MRE11: variants seen among roughly 807,000 people sequenced by gnomAD.
MRE11 encodes the protein MRE11 double strand break repair nuclease.
In MRE11, 62 loss-of-function variants were observed where a neutral mutation model predicts 91.7. The ratio of observed to expected loss-of-function variants is 0.68; its 90% CI spans 0.55 to 0.84. The LOEUF (loss-of-function observed/expected upper bound fraction) is 0.84. Ranked by LOEUF, MRE11 falls within the 40% of genes least tolerant of loss-of-function variation. MRE11 has a pLI of 0.00. For synonymous variants in MRE11, 273 were observed against 271.4 expected (o/e 1.01, Z -0.06); for missense variants, 796 against 852.9 (o/e 0.93, Z 0.83).
In MRE11 at chr11:94,471,735, G is replaced by A; in HGVS notation, c.684C>T (p.Phe228=). 1 of 1,612,026 alleles carries A rather than the reference G, an allele frequency of 6.2e-7. No individual in the cohort carries two copies. The highest frequency in any genetic ancestry group is 8.5e-7 in the Non-Finnish European group (1 of 1,178,734). ...QNRSKHGSTN[F]IPEQFLDDFI... ...AGTCATCCAAAAATTGTTCTGGAAT[G>A]AAGTTAGTACTTCCATGTTTACTCC... The change falls in exon 8 of 20, where the codon TTC becomes TTT. Residue 228 remains phenylalanine, a synonymous_variant. Transcript: ENST00000323929.
At position 94,445,889 on chromosome 11, in the gene MRE11, G is replaced by A. The variant is rs1555004842; in HGVS notation, c.1788C>T (p.Asp596=). 6.2e-7 allele frequency: 1 copy of A among 1,612,710 alleles called. No individual in the cohort carries two copies. Among genetic ancestry groups the A allele is most frequent in the Non-Finnish European group, 8.5e-7 (1 of 1,178,724 alleles). Residue 596 remains aspartate (D), a synonymous_variant, in exon 16 of 20, where the codon GAC becomes GAT. Coordinates refer to ENST00000323929, the MANE Select transcript of MRE11 (RefSeq NM_005591.4). ...TACGGGTAGAAGTCTCCAGACCAGTGTCTGCTGTTAGAAAAATGAACAGTC... is the reference window on the plus strand; with the variant it reads ...TACGGGTAGAAGTCTCCAGACCAGTATCTGCTGTTAGAAAAATGAACAGTC... ...SRGGSQRGRA[D]TGLETSTRSR...
At chr11:94,447,007 C>A (rs1034088951) in intron 15 of MRE11, among the ~76,000 whole-genome samples, 4 of 152,152 alleles carry the variant, frequency 2.6e-5, no homozygotes, top group Admixed American at 2.6e-4. Flanking sequence ...ACAATTAAAA[C>A]CCTAAGTGCA....
intron 19 of MRE11, among the ~76,000 whole-genome samples, chr11:94,423,478 C>T (rs1243578043): frequency 6.6e-6 from 1 of 152,226 alleles, no homozygotes; most frequent in Non-Finnish European, 1.5e-5. Flanking sequence ...AGGCGCCCAT[C>T]CCCTAAGACT....
the MRE11 span, among the ~76,000 whole-genome samples, chr11:94,510,831 A>T: frequency 6.6e-6 from 1 of 152,220 alleles, no homozygotes; most frequent in African/African-American, 2.4e-5. Flanking sequence ...CAAACATGTT[A>T]GGTAAAAGTT....
At chr11:94,449,844 AATAGAAAAGAT>A (rs1946050395) in intron 14 of MRE11, among the ~76,000 whole-genome samples, 1 of 152,232 alleles carries the variant, frequency 6.6e-6, no homozygotes, top group African/African-American at 2.4e-5. Flanking sequence ...AGCATATCTT[AATAGAAAAGAT>A]ATAGTAAAAA....
chr11:94,478,604 A>AT (rs1946933765), intron 6 of MRE11, 131 bp downstream of exon 6: 4 of 1,077,948 alleles, frequency 3.7e-6, no homozygotes, highest in Non-Finnish European at 3.9e-6. Flanking sequence ...ACCATCCATC[A>AT]TTTTTTATAG....
rs781042746 is a variant in MRE11 at position 94,464,093 on chromosome 11, C to T, written c.1225+20G>A. The T allele has an allele frequency of 5.0e-6, 8 of 1,608,284 alleles. No individual in the cohort carries two copies. The South Asian group carries it at 6.6e-5, about 13-fold the overall frequency. The stretch of plus-strand genomic sequence containing the variant: ...ATCCTATAAGAACATTTTTTTACCT[C>T]ATAAAAATAACTAGCTTACCTGTTT... On this transcript the variant is annotated intron_variant, in intron 11 of 19. Coordinates refer to ENST00000323929, the MANE Select transcript of MRE11 (RefSeq NM_005591.4).
At chr11:94,460,875 T>A in intron 12 of MRE11, 61 bp downstream of exon 12, 2 of 1,354,990 alleles carry the variant, frequency 1.5e-6, no homozygotes, top group Non-Finnish European at 2.1e-6. Context: ...AAACATATCC[T>A]AAATTAAAAT....
At chr11:94,447,518 GAACTAATCATACTATAAAAACATAAAGGA>G in intron 14 of MRE11, 80 bp from the exon 15 acceptor site, 1 of 1,346,872 alleles carries the variant, frequency 7.4e-7, no homozygotes, top group Non-Finnish European at 1.1e-6. Context: ...GCATTGACAT[GAACTAATCATACTATAAAAACATAAAGGA>G]GGCTGACACA....
At chr11:94,476,517 G>T in intron 6 of MRE11, 114 bp from the exon 7 acceptor site, 1 of 704,832 alleles carries the variant, frequency 1.4e-6, no homozygotes, top group Non-Finnish European at 2.4e-6. Flanking sequence ...ACTGTTGGGA[G>T]ATATATTTGA....
chr11:94,461,537 A>G, intron 11 of MRE11, among the ~76,000 whole-genome samples: 1 of 152,208 alleles, frequency 6.6e-6, no homozygotes, highest in East Asian at 1.9e-4. Context: ...AAAAACTGGA[A>G]GCATTCCCTT....
chr11:94,494,587 G>C (rs1947382531), upstream of MRE11, among the ~76,000 whole-genome samples: 1 of 152,046 alleles, frequency 6.6e-6, no homozygotes. Context: ...TTTAAGTTAG[G>C]AAACATACCC....
At chr11:94,481,750 T>C (rs933188792) in intron 4 of MRE11, among the ~76,000 whole-genome samples, 1 of 152,236 alleles carries the variant, frequency 6.6e-6, no homozygotes, top group East Asian at 1.9e-4. Context: ...TTCACTTACC[T>C]ATCTACTAAT....
intron 13 of MRE11, among the ~76,000 whole-genome samples, chr11:94,457,519 T>C (rs577865910): frequency 6.6e-6 from 1 of 151,514 alleles, no homozygotes; most frequent in South Asian, 2.1e-4. Flanking sequence ...AGAATAACAA[T>C]ATTTTAAAAG....
chr11:94,509,860 G>C, the MRE11 span, among the ~76,000 whole-genome samples: 1 of 152,178 alleles, frequency 6.6e-6, no homozygotes, highest in Non-Finnish European at 1.5e-5. Flanking sequence ...TTCCTGCAAT[G>C]ATCAAAACTT....
chr11:94,492,848 ACC>A lies in MRE11; in HGVS notation c.-49_-48del. On this transcript the variant is annotated 5_prime_UTR_variant, in exon 2 of 20. Transcript: ENST00000323929. Reference sequence around the variant, plus strand: ...TCTGGGACCAGGTTCTTCTCCAAGAACCCCTGGGTACTGTACTCAAATGTCAG... The same window carrying A: ...TCTGGGACCAGGTTCTTCTCCAAGAACCTGGGTACTGTACTCAAATGTCAG... 6 of 1,564,058 alleles carry A rather than the reference ACC, an allele frequency of 3.8e-6. No homozygotes were observed. The highest frequency in any genetic ancestry group is 1.4e-5 in the African/African-American group (1 of 73,652).
chr11:94,458,673 G>A (rs1946328520), intron 13 of MRE11, among the ~76,000 whole-genome samples: 1 of 151,962 alleles, frequency 6.6e-6, no homozygotes, highest in Admixed American at 6.6e-5. Flanking sequence ...CTATTCAAAC[G>A]TAATACTACT....
At chr11:94,478,975 T>C (rs547924756) in intron 5 of MRE11, 99 bp from the exon 6 acceptor site, 76 of 1,304,068 alleles carry the variant, frequency 5.8e-5, no homozygotes, top group Non-Finnish European at 7.6e-5. Flanking sequence ...ATATTCTACT[T>C]ACAAAAACAT....
At chr11:94,465,706 C>T (rs939353282) in intron 10 of MRE11, among the ~76,000 whole-genome samples, 3 of 152,090 alleles carry the variant, frequency 2.0e-5, no homozygotes, top group Non-Finnish European at 2.9e-5. Context: ...TTACCCAGAT[C>T]ATCTCTACAG....
Sources: allele counts gnomAD v4.1 joint callset (sites outside exome capture counted in the v4.1 genomes callset), GRCh38; gene constraint gnomAD v4.1.1; transcripts MANE v1.5; gene names NCBI Gene and HGNC (gene_info 2026-07-23, HGNC 2026-07-21).